DNAH7: variants seen among roughly 807,000 people sequenced by gnomAD.
DNAH7 encodes axonemal beta dynein heavy chain 7.
DNAH7 carries 397 observed loss-of-function variants against 444.6 expected under a neutral mutation model. That is an observed-to-expected ratio of 0.89 (90% CI 0.82 to 0.97). The LOEUF is 0.97. Ranked by LOEUF, DNAH7 falls within the 50% of genes least tolerant of loss-of-function variation. The pLI, the probability that DNAH7 is intolerant of heterozygous loss-of-function variation, is 0.00. For synonymous variants in DNAH7, 1,636 were observed against 1,624.4 expected (o/e 1.01, Z -0.17); for missense variants, 4,902 against 4,800.8 (o/e 1.02, Z -0.62).
At chr2:196,000,614 G>A in intron 12 of DNAH7, 90 bp downstream of exon 12, 8 of 1,089,690 alleles carry the variant, frequency 7.3e-6, no homozygotes, top group Non-Finnish European at 1.0e-5. Context: ...ATTCTGTGAA[G>A]CAGAGGATAC....
chr2:195,958,525 A>G (rs1054445575), intron 18 of DNAH7, among the ~76,000 whole-genome samples: 4 of 152,118 alleles, frequency 2.6e-5, no homozygotes, highest in Admixed American at 2.6e-4. Flanking sequence ...AAAACCCCAA[A>G]TTGTTCAAGG....
At chr2:196,067,099 G>T (rs1304672373) in intron 1 of DNAH7, among the ~76,000 whole-genome samples, 1 of 152,186 alleles carries the variant, frequency 6.6e-6, no homozygotes, top group African/African-American at 2.4e-5. Flanking sequence ...AGACTAGGGT[G>T]TCATTTCCCA....
intron 12 of DNAH7, chr2:195,999,259 C>T (rs1042971838): frequency 5.6e-6 from 4 of 712,602 alleles, no homozygotes; most frequent in Non-Finnish European, 1.0e-5. Flanking sequence ...AGGAAAAAAA[C>T]AAAAGATGGT....
At chr2:195,745,065 G>A (rs994985929) in intron 63 of DNAH7, among the ~76,000 whole-genome samples, 1 of 152,192 alleles carries the variant, frequency 6.6e-6, no homozygotes, top group Non-Finnish European at 1.5e-5. Flanking sequence ...CTGAGCTACA[G>A]GAGGAAATTC....
intron 4 of DNAH7, 74 bp downstream of exon 4, chr2:196,048,222 C>T: frequency 7.5e-7 from 1 of 1,338,158 alleles, no homozygotes; most frequent in Non-Finnish European, 1.0e-6. Context: ...TTCTATTACA[C>T]TATTAACTAA....
chr2:195,858,436 T>G (rs1322876966), intron 43 of DNAH7, 38 bp downstream of exon 43: 1 of 1,482,492 alleles, frequency 6.7e-7, no homozygotes, highest in Non-Finnish European at 9.0e-7. Context: ...TGGGCTATGA[T>G]GACATGTGTC....
Position 196,004,871 on chromosome 2 carries a change from G to A in DNAH7, c.990-3013C>T, listed in dbSNP as rs190434851. On this transcript the variant is annotated intron_variant, in intron 10 of 64. Coordinates refer to ENST00000312428, the MANE Select transcript of DNAH7 (RefSeq NM_018897.3). ...AGCTACACAGGAGGCTGAGGTGGGA[G>A]GATGGCTTGGGCCCAGGAGGTCAAG... Among the ~76,000 whole-genome samples, 389 of 149,576 alleles carry A rather than the reference G, an allele frequency of 2.6e-3. 3 individuals carry two copies. Among genetic ancestry groups the A allele is most frequent in the Middle Eastern group, 3.6e-3 (1 of 278 alleles).
chr2:195,853,602 C>T (rs1699519723), intron 45 of DNAH7, 74 bp from the exon 46 acceptor site: 2 of 1,392,052 alleles, frequency 1.4e-6, no homozygotes, highest in Non-Finnish European at 1.9e-6. Flanking sequence ...ATTTTACCCT[C>T]AGAAGTGAAT....
intron 8 of DNAH7, among the ~76,000 whole-genome samples, chr2:196,022,625 C>A (rs1445377916): frequency 6.6e-6 from 1 of 152,202 alleles, no homozygotes; most frequent in Non-Finnish European, 1.5e-5. Flanking sequence ...AATTCTTGTT[C>A]TCTGGCTTCC....
chr2:195,955,166 C>T (rs7556722), intron 19 of DNAH7, among the ~76,000 whole-genome samples: 9,072 of 152,202 alleles, frequency 0.06, 349 homozygotes, highest in African/African-American at 0.11. Context: ...AGGTCTAACA[C>T]TTAAGTCTTT....
chr2:195,987,566 G>A (rs1519613), intron 13 of DNAH7, among the ~76,000 whole-genome samples: 44,090 of 151,856 alleles, frequency 0.29, 8,944 homozygotes, highest in African/African-American at 0.58. Context: ...AAGGGGGACA[G>A]AAAAGAAAAT....
rs765262499 is a variant in DNAH7 at position 195,864,858 on chromosome 2, C to T, written c.6797G>A (p.Arg2266His). ...ATGGAAATCACAAAACATTAAGCTG[C>T]GTAAGTCATCTGCTTCCACCATGCC... ...NDGMVEADDL[R>H]SLMFCDFHDP... Residue 2266 changes from arginine to histidine, a missense_variant, in exon 41 of 65, where the codon CGC becomes CAC. Physicochemically the swap from Arg to His is conservative, Grantham distance 29. Coordinates refer to ENST00000312428, the MANE Select transcript of DNAH7 (RefSeq NM_018897.3). 3.7e-6 allele frequency: 6 copies of T among 1,614,050 alleles called. No homozygotes were observed. Among genetic ancestry groups the T allele is most frequent in the Middle Eastern group, 3.3e-4 (2 of 6,062 alleles).
At chr2:196,053,861 G>A (rs10207488) in intron 2 of DNAH7, among the ~76,000 whole-genome samples, 2,432 of 152,246 alleles carry the variant, frequency 0.016, 76 homozygotes, top group African/African-American at 0.055. Flanking sequence ...AAGTGCTAGA[G>A]GGACAGGCAG....
chr2:195,795,687 T>C (rs1331965056), intron 56 of DNAH7: 2 of 152,354 alleles, frequency 1.3e-5, no homozygotes, highest in South Asian at 2.1e-4. Flanking sequence ...TGGGAGGCCA[T>C]TGAAAAGTGT....
In DNAH7 at chr2:195,906,887, A is replaced by T. The variant is rs374098941; in HGVS notation, c.4207+20T>A. 1.2e-6 allele frequency: 2 copies of T among 1,611,252 alleles called. No homozygotes were observed. Among genetic ancestry groups the T allele is most frequent in the African/African-American group, 1.3e-5 (1 of 74,742 alleles). On this transcript the variant is annotated intron_variant, in intron 26 of 64. Transcript: ENST00000312428. ...ATTTCTTTTATTTTCACATAATGCA[A>T]AGACAAACTAGTCCATTACCTCTTT... is the stretch of plus-strand genomic sequence containing the variant.
In DNAH7 at chr2:195,895,043, T is replaced by A. The variant is rs1439476245; in HGVS notation, c.4829A>T (p.Glu1610Val). 1 of 1,613,484 alleles carries A rather than the reference T, an allele frequency of 6.2e-7. No individual in the cohort carries two copies. Among genetic ancestry groups the A allele is most frequent in the Non-Finnish European group, 8.5e-7 (1 of 1,179,608 alleles). Reference protein sequence around the residue: ...IVRHGFMIVGEPFGGKTSAYR... With the variant: ...IVRHGFMIVGVPFGGKTSAYR... Reference sequence around the variant, plus strand: ...TGCACTAGTTTTTCCTCCAAATGGTTCTCCAACAATCATAAAACCATGACG... The same window carrying A: ...TGCACTAGTTTTTCCTCCAAATGGTACTCCAACAATCATAAAACCATGACG... Residue 1610 changes from glutamate to valine, a missense_variant, in exon 30 of 65, where the codon GAA becomes GTA. Glu to Val is a moderately radical substitution (Grantham distance 121). Coordinates refer to ENST00000312428, the MANE Select transcript of DNAH7 (RefSeq NM_018897.3).
At chr2:195,852,911 CACACAG>C (rs1307376345) in intron 46 of DNAH7, among the ~76,000 whole-genome samples, 39 of 125,900 alleles carry the variant, frequency 3.1e-4, no homozygotes, top group Non-Finnish European at 4.6e-4. Flanking sequence ...CACACACACA[CACACAG>C]AGAGAGAGAG....
At position 195,789,259 on chromosome 2, in the gene DNAH7, A is replaced by G. The variant is rs114155481; in HGVS notation, c.10717-2088T>C. Among the ~76,000 whole-genome samples the G allele has an allele frequency of 2.2e-3, 341 of 152,262 alleles. 2 individuals are homozygous for G. The highest frequency in any genetic ancestry group is 3.4e-3 in the Middle Eastern group (1 of 294). On this transcript the variant is annotated intron_variant, in intron 57 of 64. Transcript: ENST00000312428. Reference sequence around the variant, plus strand: ...CCAACTCTGGAAGAATCTGAGTACCAAAAGACTCAAGTATAGCAATGAAAA... The same window carrying G: ...CCAACTCTGGAAGAATCTGAGTACCGAAAGACTCAAGTATAGCAATGAAAA...
chr2:196,025,414 C>CT, intron 7 of DNAH7, among the ~76,000 whole-genome samples: 1 of 152,108 alleles, frequency 6.6e-6, no homozygotes, highest in East Asian at 1.9e-4. Context: ...TCTCCTTTAC[C>CT]TTTAAGCGCT....
Sources: gnomAD v4.1 joint callset for allele counts (sites outside exome capture counted in the v4.1 genomes callset) on GRCh38, gnomAD v4.1.1 for gene constraint, MANE v1.5 for transcripts, NCBI Gene and HGNC (gene_info 2026-07-23, HGNC 2026-07-21) for gene names.